Variants in MYBL2 observed in about 807,000 individuals in gnomAD.
MYBL2 encodes myb-related protein B.
A neutral mutation model predicts 79.9 loss-of-function variants in MYBL2; 28 were observed. The observed-to-expected ratio is 0.35, with a 90% CI of 0.26 to 0.48. The LOEUF (loss-of-function observed/expected upper bound fraction) is 0.48. MYBL2 is among the 20% of genes least tolerant of loss of function. The pLI is 0.99. For synonymous variants in MYBL2, 378 were observed against 361.2 expected, an observed-to-expected ratio of 1.05 and a Z score of -0.53; for missense variants, 735 against 893.9, an observed-to-expected ratio of 0.82 and a Z score of 2.27.
chr20:43,691,101 A>C (rs1478875896), intron 5 of MYBL2, among the ~76,000 whole-genome samples: 5 of 152,142 alleles, frequency 3.3e-5, no homozygotes, highest in Admixed American at 3.3e-4. Context: ...ACCAAGGCTT[A>C]GGGAGGTGAA....
chr20:43,687,952 C>T (rs1444627075), intron 5 of MYBL2, among the ~76,000 whole-genome samples: 2 of 145,024 alleles, frequency 1.4e-5, no homozygotes, highest in African/African-American at 2.6e-5. Context: ...GCAGAGGTTG[C>T]AGTGAGCCGA....
At chr20:43,691,558 G>A (rs1348290979) in intron 5 of MYBL2, among the ~76,000 whole-genome samples, 3 of 94,036 alleles carry the variant, frequency 3.2e-5, no homozygotes, top group Non-Finnish European at 4.7e-5. Flanking sequence ...TTTTTTTTTT[G>A]AGGTGGAATT....
At position 43,715,069 on chromosome 20, in the gene MYBL2, G is replaced by A. The variant is rs1987997267; in HGVS notation, c.1825-65G>A. 5.0e-6 allele frequency: 8 copies of A among 1,594,156 alleles called. No homozygotes were observed. The Admixed American group carries it at 1.4e-4, about 27-fold the overall frequency. ...TGGTGGTGCTGGGGTGGGATTGCGG[G>A]TTTTTTTCTTCCCTCTCACAGCTTC... is the stretch of plus-strand genomic sequence containing the variant. On this transcript the variant is annotated intron_variant, in intron 12 of 13. Transcript: ENST00000217026.
At chr20:43,712,414 T>G (rs1469115696) in intron 11 of MYBL2, among the ~76,000 whole-genome samples, 1 of 152,104 alleles carries the variant, frequency 6.6e-6, no homozygotes, top group African/African-American at 2.4e-5. Flanking sequence ...GGGTCCTCCC[T>G]GGCCTCTCCT....
rs1462221848 is a variant in MYBL2, at chr20:43,682,781, G to C, written c.187-13G>C. ...TTCTCACAGATTGGTTTGTTCTTCTGTTCTTTTCCCAGAACCGCACTGACC... is the reference window on the plus strand; with the variant it reads ...TTCTCACAGATTGGTTTGTTCTTCTCTTCTTTTCCCAGAACCGCACTGACC... On this transcript the variant is annotated splice_polypyrimidine_tract_variant and intron_variant, in intron 3 of 13. Transcript: ENST00000217026. 5 of 1,613,402 alleles carry C rather than the reference G, an allele frequency of 3.1e-6. No homozygotes were observed. The highest frequency in any genetic ancestry group is 4.2e-6 in the Non-Finnish European group (5 of 1,179,542).
At chr20:43,700,200 C>G (rs1229143683) in intron 7 of MYBL2, among the ~76,000 whole-genome samples, 156 bp downstream of exon 7, 2 of 152,124 alleles carry the variant, frequency 1.3e-5, no homozygotes, top group Non-Finnish European at 2.9e-5. Context: ...CTGGGGACAC[C>G]AGGGTTGTCA....
intron 7 of MYBL2, among the ~76,000 whole-genome samples, chr20:43,702,051 C>T (rs1485520985): frequency 3.3e-5 from 5 of 152,098 alleles, no homozygotes; most frequent in African/African-American, 7.2e-5. Context: ...TGCTTGAACC[C>T]GGAAGGCGGA....
chr20:43,672,533 G>A (rs1986891117), intron 1 of MYBL2, among the ~76,000 whole-genome samples: 1 of 152,062 alleles, frequency 6.6e-6, no homozygotes, highest in African/African-American at 2.4e-5. Flanking sequence ...ATTGTTTAAG[G>A]CCAGGAGTTC....
intron 6 of MYBL2, among the ~76,000 whole-genome samples, chr20:43,694,554 A>T (rs1987488081): frequency 6.6e-6 from 1 of 152,178 alleles, no homozygotes; most frequent in African/African-American, 2.4e-5. Flanking sequence ...TTCTTCCACA[A>T]TGCCCTGCTA....
rs1429787741 is a variant in MYBL2, at chr20:43,716,342, G to A, written c.*255G>A. ...GGTTCCCTCCCCAAGGCCACAGGGA[G>A]CTCCGTCAGCTTCTCCCAAGCCCAC... On this transcript the variant is annotated 3_prime_UTR_variant, in exon 14 of 14. Coordinates refer to ENST00000217026, the MANE Select transcript of MYBL2 (RefSeq NM_002466.4). The A allele has an allele frequency of 3.9e-6, 2 of 515,134 alleles. No individual in the cohort carries two copies. The highest frequency in any genetic ancestry group is 6.7e-6 in the Non-Finnish European group (2 of 296,906). The allele number at this position is 515,134 out of a possible 1,614,324, so 31.9% of individuals were successfully genotyped here. A position where few individuals can be genotyped will look rare whatever the true frequency, so the allele number is the denominator to read the frequency against.
chr20:43,703,130 T>A (rs527748489), intron 8 of MYBL2, among the ~76,000 whole-genome samples: 7 of 152,296 alleles, frequency 4.6e-5, no homozygotes, highest in African/African-American at 1.4e-4. Context: ...CCAGGAAGAC[T>A]GCCAGGAGGA....
intron 2 of MYBL2, among the ~76,000 whole-genome samples, chr20:43,678,065 G>A (rs1345739437): frequency 1.3e-5 from 2 of 152,030 alleles, no homozygotes; most frequent in African/African-American, 4.8e-5. Flanking sequence ...GATTAAGGGC[G>A]GTGCAAGATG....
At position 43,706,719 on chromosome 20, in the gene MYBL2, G is replaced by GTTT. The variant is rs71193702; in HGVS notation, c.1505+1373_1505+1375dup. On this transcript the variant is annotated intron_variant, in intron 9 of 13. Transcript: ENST00000217026. ...CTGTCTGTACACAAAAAAAAAAAAAGTTTTTTTTTTTTTTGAGATGGAGTC... is the reference window on the plus strand; with the variant it reads ...CTGTCTGTACACAAAAAAAAAAAAAGTTTTTTTTTTTTTTTTTGAGATGGAGTC... Among the ~76,000 whole-genome samples the GTTT allele has an allele frequency of 5.7e-5, 4 of 70,780 alleles. 1 individual carries two copies. Among genetic ancestry groups the GTTT allele is most frequent in the Non-Finnish European group, 7.6e-5 (3 of 39,594 alleles). 46.4% of individuals were successfully genotyped at this position (70,780 alleles called of 152,430 possible). A position where few individuals can be genotyped will look rare whatever the true frequency, so the allele number is the denominator to read the frequency against.
intron 2 of MYBL2, among the ~76,000 whole-genome samples, chr20:43,674,991 T>C (rs1056275996): frequency 6.6e-6 from 1 of 152,182 alleles, no homozygotes; most frequent in Non-Finnish European, 1.5e-5. Context: ...CTTTTTTTAA[T>C]TCCTTTTTGA....
Position 43,702,765 on chromosome 20 carries a change from G to A in MYBL2, c.1227G>A (p.Val409=). 6.2e-7 allele frequency: 1 copy of A among 1,614,204 alleles called. No individual in the cohort carries two copies. Among genetic ancestry groups the A allele is most frequent in the Non-Finnish European group, 8.5e-7 (1 of 1,180,050 alleles). Reference sequence around the variant, plus strand: ...CTGGCATTGGCACACCGCCCTCTGTGCTCAAGCGGCAGAGGAAGAGGCGTG... The same window carrying A: ...CTGGCATTGGCACACCGCCCTCTGTACTCAAGCGGCAGAGGAAGAGGCGTG... The part of the protein sequence containing the change: ...GGSGIGTPPS[V]LKRQRKRRVA... Residue 409 remains valine (V), a synonymous_variant, in exon 8 of 14, where the codon GTG becomes GTA. Coordinates refer to ENST00000217026, the MANE Select transcript of MYBL2 (RefSeq NM_002466.4).
intron 5 of MYBL2, among the ~76,000 whole-genome samples, chr20:43,688,224 C>T (rs1368597685): frequency 6.6e-6 from 1 of 151,054 alleles, no homozygotes; most frequent in Non-Finnish European, 1.5e-5. Flanking sequence ...TTTGGGAGAC[C>T]AGAGTCTCGC....
chr20:43,712,870 G>T (rs1987941321), intron 11 of MYBL2, 132 bp from the exon 12 acceptor site: 2 of 681,062 alleles, frequency 2.9e-6, no homozygotes, highest in African/African-American at 1.8e-5. Flanking sequence ...ATTCCCACTA[G>T]CTGGGCCTTG....
chr20:43,715,181 C>G lies in MYBL2; in HGVS notation c.1872C>G (p.Ile624Met), dbSNP rs11556379. 82,800 of 1,614,210 alleles carry G rather than the reference C, an allele frequency of 0.051. 2,394 individuals are homozygous for G. The highest frequency in any genetic ancestry group is 0.058 in the Non-Finnish European group (68,456 of 1,180,028). ...SNSSSLTLSG[I>M]KEDNSLLNQG... ...CTTCCAGCCTCACCCTGTCAGGTATCAAAGAAGACAACAGCTTGCTCAACC... is the reference window on the plus strand; with the variant it reads ...CTTCCAGCCTCACCCTGTCAGGTATGAAAGAAGACAACAGCTTGCTCAACC... Residue 624 changes from isoleucine to methionine, a missense_variant, in exon 13 of 14, where the codon ATC becomes ATG. Ile to Met is a conservative substitution (Grantham distance 10). This residue lies in a region of MYBL2 where 204 missense variants were observed against 202.9 expected (regional missense o/e 1.01). Coordinates refer to ENST00000217026, the MANE Select transcript of MYBL2 (RefSeq NM_002466.4).
At chr20:43,702,187 T>TA (rs1987688075) in intron 7 of MYBL2, among the ~76,000 whole-genome samples, 1 of 151,990 alleles carries the variant, frequency 6.6e-6, no homozygotes, top group Non-Finnish European at 1.5e-5. Flanking sequence ...TAGTCCCAAC[T>TA]ACTCGGGAGG....
Sources: allele counts gnomAD v4.1 joint callset (sites outside exome capture counted in the v4.1 genomes callset), GRCh38; gene constraint gnomAD v4.1.1; regional missense constraint gnomAD v4.1.1; transcripts MANE v1.5; gene names NCBI Gene and HGNC (gene_info 2026-07-23, HGNC 2026-07-21).